Variants in TTC9 observed in about 807,000 individuals in gnomAD.
The protein encoded by TTC9 is tetratricopeptide repeat domain 9.
TTC9 carries 13 observed loss-of-function variants against 22.9 expected under a neutral mutation model. That is an observed-to-expected ratio of 0.57 (90% CI 0.37 to 0.90). The LOEUF (loss-of-function observed/expected upper bound fraction) is 0.90, where lower values mean the gene tolerates loss of function less well. TTC9 is among the 40% of genes least tolerant of loss of function. The probability of loss-of-function intolerance (pLI) is 0.01; values close to 1 mark genes in which losing one functional copy is unlikely to be tolerated. For missense variants in TTC9, 280 were observed against 291.8 expected (o/e 0.96, Z 0.29); for synonymous variants, 148 against 133.2 (o/e 1.11, Z -0.77).
At chr14:70,660,007 C>G (rs1886122330) in intron 1 of TTC9, among the ~76,000 whole-genome samples, 1 of 152,226 alleles carries the variant, frequency 6.6e-6, no homozygotes, top group African/African-American at 2.4e-5. Flanking sequence ...AGAGCAGTGC[C>G]TGGCCCATTC....
intron 1 of TTC9, among the ~76,000 whole-genome samples, chr14:70,648,851 C>A (rs562490760): frequency 2.0e-5 from 3 of 152,204 alleles, no homozygotes; most frequent in Non-Finnish European, 1.5e-5. Flanking sequence ...TTAAAAAAAA[C>A]AAAGATAATG....
At chr14:70,665,920 C>T (rs1195585134) in intron 1 of TTC9, among the ~76,000 whole-genome samples, 1 of 152,098 alleles carries the variant, frequency 6.6e-6, no homozygotes, top group Non-Finnish European at 1.5e-5. Context: ...CAGCATTCTC[C>T]CCCAGCCACC....
chr14:70,642,270 G>GGCCGAGCCGGCC lies in TTC9; in HGVS notation c.143_154dup (p.Ala48_Ala51dup). On this transcript the variant is annotated inframe_insertion, in exon 1 of 3. Coordinates refer to ENST00000256367, the MANE Select transcript of TTC9 (RefSeq NM_015351.2). ...CAGCGAGGGGCCAGGTCGGGGCGGC[G>GGCCGAGCCGGCC]GCCGAGCCGGCCGAGCTCATCCGAC... 6.7e-7 allele frequency: 1 copy of GGCCGAGCCGGCC among 1,500,356 alleles called. No individual in the cohort carries two copies. The highest frequency in any genetic ancestry group is 8.9e-7 in the Non-Finnish European group (1 of 1,125,758). The allele number at this position is 1,500,356 out of a possible 1,614,324, so 92.9% of individuals were successfully genotyped here.
chr14:70,665,062 G>GCAT (rs1485115533), intron 1 of TTC9, among the ~76,000 whole-genome samples: 8 of 152,168 alleles, frequency 5.3e-5, no homozygotes, highest in African/African-American at 1.7e-4. Context: ...CCCTGCCCCT[G>GCAT]TCACCACCAT....
chr14:70,664,725 T>C (rs61980474), intron 1 of TTC9, among the ~76,000 whole-genome samples: 7 of 51,306 alleles, frequency 1.4e-4, no homozygotes, highest in Non-Finnish European at 2.3e-4. Flanking sequence ...CGTGACTCCA[T>C]TTAAAAAAAA....
chr14:70,642,612 C>G (rs1885839928), intron 1 of TTC9, 77 bp downstream of exon 1: 7 of 1,361,852 alleles, frequency 5.1e-6, no homozygotes, highest in African/African-American at 1.5e-5. Flanking sequence ...GCGGCGCTCC[C>G]GCGGTGCAGA....
In TTC9 at chr14:70,642,548, G is replaced by C; in HGVS notation, c.406+13G>C. ...AACAGCCTGGCAGGTGAGCCGCGCCGCGCCCCCCGCGCCGCGGTCCCCGTT... is the reference window on the plus strand; with the variant it reads ...AACAGCCTGGCAGGTGAGCCGCGCCCCGCCCCCCGCGCCGCGGTCCCCGTT... On this transcript the variant is annotated intron_variant, in intron 1 of 2. Transcript: ENST00000256367. 6.5e-7 allele frequency: 1 copy of C among 1,526,966 alleles called. No individual in the cohort carries two copies. Among genetic ancestry groups the C allele is most frequent in the Non-Finnish European group, 8.8e-7 (1 of 1,139,468 alleles). The allele number at this position is 1,526,966 out of a possible 1,614,324, so 94.6% of individuals were successfully genotyped here. A position where few individuals can be genotyped will look rare whatever the true frequency, so the allele number is the denominator to read the frequency against.
intron 1 of TTC9, among the ~76,000 whole-genome samples, chr14:70,647,769 A>G (rs1453658876): frequency 1.3e-5 from 2 of 152,210 alleles, no homozygotes; most frequent in African/African-American, 4.8e-5. Flanking sequence ...CACAAGTTTA[A>G]AGATAAAGTG....
Position 70,642,554 on chromosome 14 carries a change from C to CCCACG in TTC9, c.406+21_406+22insACGCC. 6.5e-7 allele frequency: 1 copy of CCCACG among 1,528,152 alleles called. No individual in the cohort carries two copies. Among genetic ancestry groups the CCCACG allele is most frequent in the Non-Finnish European group, 8.8e-7 (1 of 1,139,774 alleles). The allele number at this position is 1,528,152 out of a possible 1,614,324, so 94.7% of individuals were successfully genotyped here. On this transcript the variant is annotated intron_variant, in intron 1 of 2. Transcript: ENST00000256367. ...CTGGCAGGTGAGCCGCGCCGCGCCC[C>CCCACG]CCGCGCCGCGGTCCCCGTTCTTCGG...
At chr14:70,669,522 CCTT>C in intron 2 of TTC9, among the ~76,000 whole-genome samples, 1 of 151,320 alleles carries the variant, frequency 6.6e-6, no homozygotes, top group Non-Finnish European at 1.5e-5. Context: ...CTCAAGCAAT[CCTT>C]CTGCCTCGGC....
At chr14:70,644,865 C>G (rs1226579085) in intron 1 of TTC9, among the ~76,000 whole-genome samples, 2 of 152,062 alleles carry the variant, frequency 1.3e-5, no homozygotes, top group African/African-American at 4.8e-5. Context: ...GTAATCCCAG[C>G]ACTTTGGGAG....
chr14:70,670,307 G>A (rs1177713234), intron 2 of TTC9, among the ~76,000 whole-genome samples: 1 of 152,200 alleles, frequency 6.6e-6, no homozygotes, highest in Non-Finnish European at 1.5e-5. Flanking sequence ...TTGTATTGAG[G>A]ATTAAATGAG....
At chr14:70,659,119 A>AACACACACGCGCGCACAC (rs1555362235) in intron 1 of TTC9, among the ~76,000 whole-genome samples, 1 of 134,706 alleles carries the variant, frequency 7.4e-6, no homozygotes, top group East Asian at 2.8e-4. Flanking sequence ...TATATAACTA[A>AACACACACGCGCGCACAC]ACACACACAC....
chr14:70,654,696 A>G (rs1886036094), intron 1 of TTC9, among the ~76,000 whole-genome samples: 1 of 151,880 alleles, frequency 6.6e-6, no homozygotes, highest in South Asian at 2.1e-4. Flanking sequence ...GACAAATTAA[A>G]TTTAGCAGAG....
Position 70,674,307 on chromosome 14 carries a change from T to TAGA in TTC9, c.*3155_*3157dup, listed in dbSNP as rs1292732942. The TAGA allele has an allele frequency of 6.6e-6, 1 of 152,184 alleles. No homozygotes were observed. Among genetic ancestry groups the TAGA allele is most frequent in the East Asian group, 1.9e-4 (1 of 5,198 alleles). The allele number at this position is 152,184 out of a possible 1,614,324, so 9.4% of individuals were successfully genotyped here. On this transcript the variant is annotated 3_prime_UTR_variant, in exon 3 of 3. Transcript: ENST00000256367. ...TTGTGAAAGCATCATGTGTGTATTG[T>TAGA]AGAAGTTTTAGGAAAAAAAGGACAA... is the stretch of plus-strand genomic sequence containing the variant.
chr14:70,662,983 G>C (rs1456484923), intron 1 of TTC9, among the ~76,000 whole-genome samples: 1 of 152,122 alleles, frequency 6.6e-6, no homozygotes, highest in Non-Finnish European at 1.5e-5. Context: ...CCCTGCTGCT[G>C]GTCACCTCTG....
intron 1 of TTC9, among the ~76,000 whole-genome samples, chr14:70,659,126 A>ACACG (rs59476766): frequency 0.098 from 12,892 of 131,036 alleles, 715 homozygotes; most frequent in African/African-American, 0.16. Context: ...CTAAACACAC[A>ACACG]CACACGCACA....
chr14:70,647,500 C>T (rs765657830), intron 1 of TTC9, among the ~76,000 whole-genome samples: 1 of 152,130 alleles, frequency 6.6e-6, no homozygotes. Context: ...TTTCTGAGAA[C>T]ATTTTTTTTT....
At chr14:70,666,951 TTGAGA>T (rs1886224047) in intron 1 of TTC9, among the ~76,000 whole-genome samples, 1 of 152,170 alleles carries the variant, frequency 6.6e-6, no homozygotes. Context: ...ACTGGGTGAC[TTGAGA>T]TAATAGAAAT....
Sources: gnomAD v4.1 joint callset for allele counts (sites outside exome capture counted in the v4.1 genomes callset) on GRCh38, gnomAD v4.1.1 for gene constraint, MANE v1.5 for transcripts, NCBI Gene and HGNC (gene_info 2026-07-23, HGNC 2026-07-21) for gene names.